Variants in TMEM74 observed in about 807,000 individuals in gnomAD.
TMEM74 encodes the protein transmembrane protein 74.
TMEM74 carries 13 observed loss-of-function variants against 18.1 expected under a neutral mutation model. That is an observed-to-expected ratio of 0.72 (90% CI 0.47 to 1.14). The LOEUF is 1.14. Ranked by LOEUF, TMEM74 falls within the 50% of genes most tolerant of loss-of-function variation. The pLI, the probability that TMEM74 is intolerant of heterozygous loss-of-function variation, is 0.00. For missense variants in TMEM74, 372 were observed against 375.9 expected (o/e 0.99, Z 0.09); for synonymous variants, 159 against 146.6 (o/e 1.08, Z -0.61).
intron 2 of TMEM74, among the ~76,000 whole-genome samples, chr8:108,615,818 G>GATTTTTTT (rs1563732679): frequency 1.0e-5 from 1 of 96,376 alleles, no homozygotes; most frequent in Non-Finnish European, 2.2e-5. Flanking sequence ...TTGCATGGGA[G>GATTTTTTT]CTTTTTTTTT....
At position 108,780,359 on chromosome 8, in the gene TMEM74, C is replaced by T. The variant is rs7845404; in HGVS notation, c.*3822G>A. ...TCATTGCACACGTGAAAGATGAAGACCAAAATGTTCACATGCTCCTGCCTA... is the reference window on the plus strand; with the variant it reads ...TCATTGCACACGTGAAAGATGAAGATCAAAATGTTCACATGCTCCTGCCTA... On this transcript the variant is annotated 3_prime_UTR_variant, in exon 2 of 2. Coordinates refer to ENST00000297459, the MANE Select transcript of TMEM74 (RefSeq NM_153015.3). 0.26 allele frequency among the ~76,000 whole-genome samples: 38,973 copies of T among 151,862 alleles called. 5,491 individuals are homozygous for T. Among genetic ancestry groups the T allele is most frequent in the Middle Eastern group, 0.33 (98 of 294 alleles).
At chr8:108,775,815 G>A (rs1814227282), downstream of TMEM74, among the ~76,000 whole-genome samples, 1 of 152,194 alleles carries the variant, frequency 6.6e-6, no homozygotes, top group African/African-American at 2.4e-5. Flanking sequence ...TGTGGCCGAA[G>A]GCTGGGGGTT....
chr8:108,668,772 A>C (rs1812973983), intron 1 of TMEM74, among the ~76,000 whole-genome samples: 1 of 152,196 alleles, frequency 6.6e-6, no homozygotes, highest in Non-Finnish European at 1.5e-5. Context: ...AAACATATTT[A>C]TACAAAAAAT....
chr8:108,623,853 A>G (rs928746824), intron 2 of TMEM74, among the ~76,000 whole-genome samples: 1 of 152,028 alleles, frequency 6.6e-6, no homozygotes, highest in African/African-American at 2.4e-5. Flanking sequence ...CTGTAGGTAA[A>G]GGCCAGTAAT....
At chr8:108,694,468 C>T (rs1411021544) in intron 1 of TMEM74, among the ~76,000 whole-genome samples, 1 of 151,912 alleles carries the variant, frequency 6.6e-6, no homozygotes, top group Non-Finnish European at 1.5e-5. Context: ...ATGAAATATC[C>T]ATAATAGGCA....
intron 1 of TMEM74, among the ~76,000 whole-genome samples, chr8:108,729,961 T>C (rs1267807272): frequency 2.0e-5 from 3 of 152,228 alleles, no homozygotes; most frequent in Non-Finnish European, 2.9e-5. Flanking sequence ...TCTATGCTCC[T>C]AATGCTATAC....
intron 1 of TMEM74, among the ~76,000 whole-genome samples, chr8:108,770,746 G>A (rs1814162464): frequency 6.6e-6 from 1 of 152,124 alleles, no homozygotes; most frequent in Non-Finnish European, 1.5e-5. Context: ...TATATTTACA[G>A]GAAGCAGTCT....
downstream of TMEM74, among the ~76,000 whole-genome samples, chr8:108,775,317 C>T (rs974235788): frequency 3.3e-5 from 5 of 152,176 alleles, no homozygotes; most frequent in East Asian, 7.7e-4. Flanking sequence ...ATGGCCACAT[C>T]TAAAATAAGT....
chr8:108,617,947 C>A (rs1812402242), intron 2 of TMEM74, among the ~76,000 whole-genome samples: 2 of 151,986 alleles, frequency 1.3e-5, no homozygotes, highest in South Asian at 2.1e-4. Flanking sequence ...CAGCATGGGT[C>A]GTGATGCTAA....
chr8:108,772,903 G>A (rs1814189102), intron 1 of TMEM74, among the ~76,000 whole-genome samples: 1 of 152,126 alleles, frequency 6.6e-6, no homozygotes, highest in Non-Finnish European at 1.5e-5. Context: ...GGATTGTCAT[G>A]GGGATTCGAT....
chr8:108,694,583 C>T (rs1015898100), intron 1 of TMEM74, among the ~76,000 whole-genome samples: 8 of 152,174 alleles, frequency 5.3e-5, no homozygotes, highest in Admixed American at 3.9e-4. Context: ...ATTCATCTGT[C>T]TCCTCAGCTC....
chr8:108,659,725 T>A (rs1812881119), intron 1 of TMEM74, among the ~76,000 whole-genome samples: 1 of 152,162 alleles, frequency 6.6e-6, no homozygotes, highest in South Asian at 2.1e-4. Context: ...TGCTCCAACC[T>A]GTGTTGCCCA....
intron 1 of TMEM74, among the ~76,000 whole-genome samples, chr8:108,726,213 T>C (rs1336437432): frequency 1.3e-5 from 2 of 152,148 alleles, no homozygotes; most frequent in African/African-American, 4.8e-5. Flanking sequence ...CTAAAACCTC[T>C]ATACCTAATG....
intron 1 of TMEM74, among the ~76,000 whole-genome samples, chr8:108,739,162 A>G (rs1813775149): frequency 6.6e-6 from 1 of 152,202 alleles, no homozygotes; most frequent in Non-Finnish European, 1.5e-5. Flanking sequence ...AATAACAATT[A>G]CTCCTCATTT....
chr8:108,742,193 C>T (rs185224375), intron 1 of TMEM74, among the ~76,000 whole-genome samples: 183 of 152,056 alleles, frequency 1.2e-3, no homozygotes, highest in Non-Finnish European at 2.1e-3. Flanking sequence ...CTATTGGGTA[C>T]GAGGCTTAGT....
intron 1 of TMEM74, among the ~76,000 whole-genome samples, chr8:108,714,510 A>G (rs1162525256): frequency 2.0e-5 from 3 of 152,234 alleles, no homozygotes; most frequent in East Asian, 3.8e-4. Flanking sequence ...GGTGACTGAC[A>G]AAGATAGAAA....
At chr8:108,683,867 G>C (rs148902966) in intron 1 of TMEM74, among the ~76,000 whole-genome samples, 1 of 152,008 alleles carries the variant, frequency 6.6e-6, no homozygotes, top group Non-Finnish European at 1.5e-5. Context: ...ACTTTCGTTT[G>C]CTGGTTTATT....
chr8:108,639,554 A>G (rs570592362), intron 2 of TMEM74, among the ~76,000 whole-genome samples: 1 of 152,206 alleles, frequency 6.6e-6, no homozygotes, highest in African/African-American at 2.4e-5. Flanking sequence ...TAAATGTGGC[A>G]TCACAGGACA....
At position 108,639,224 on chromosome 8, in the gene TMEM74, C is replaced by A. The variant is rs1244804250; in HGVS notation, n.264+16069G>T. Among the ~76,000 whole-genome samples the A allele has an allele frequency of 5.9e-5, 9 of 152,176 alleles. No homozygotes were observed. In the East Asian group the frequency reaches 7.8e-4, roughly 13 times the overall value. ...AATTATAAGGTAGTTGGTTACTTAG[C>A]AATAGTTACCTGGTACATGTAGCTA... On this transcript the variant is annotated intron_variant and non_coding_transcript_variant, in intron 2 of 3. Coordinates refer to the TMEM74 transcript ENST00000518838.
Sources: allele counts gnomAD v4.1 joint callset (sites outside exome capture counted in the v4.1 genomes callset), GRCh38; gene constraint gnomAD v4.1.1; transcripts MANE v1.5; gene names NCBI Gene and HGNC (gene_info 2026-07-23, HGNC 2026-07-21).